The following ANKRD30B variants were observed in gnomAD, a reference collection of about 807,000 sequenced individuals.
ANKRD30B encodes the protein ankyrin repeat domain-containing protein 30B.
A neutral mutation model predicts 202.2 loss-of-function variants in ANKRD30B; 144 were observed. That is an observed-to-expected ratio of 0.71 (90% confidence interval 0.62 to 0.82). ANKRD30B has a LOEUF of 0.82. Among genes scored for constraint, ANKRD30B ranks in the 40% least tolerant of loss-of-function variants. ANKRD30B has a pLI of 0.00. For synonymous variants in ANKRD30B, 508 were observed against 561.3 expected (o/e 0.91, Z 1.34); for missense variants, 1,487 against 1,669.1 (o/e 0.89, Z 1.90).
the ANKRD30B span, among the ~76,000 whole-genome samples, chr18:14,937,417 T>G: frequency 8.2e-6 from 1 of 122,662 alleles, no homozygotes; most frequent in African/African-American, 3.0e-5. Flanking sequence ...GAACAGCAGG[T>G]GCCGCCGGTT....
chr18:14,764,475 C>T (rs1201115820), intron 7 of ANKRD30B, among the ~76,000 whole-genome samples: 1 of 152,090 alleles, frequency 6.6e-6, no homozygotes, highest in East Asian at 1.9e-4. Context: ...CTCACTGCAA[C>T]CTGCGTCTCC....
At chr18:14,799,195 T>C in intron 21 of ANKRD30B, 28 bp from the exon 22 acceptor site, 4 of 1,586,590 alleles carry the variant, frequency 2.5e-6, no homozygotes, top group South Asian at 1.1e-5. Flanking sequence ...CATTATATGT[T>C]AATTTTTGTG....
the ANKRD30B span, among the ~76,000 whole-genome samples, chr18:14,903,387 A>G: frequency 6.6e-6 from 1 of 152,200 alleles, no homozygotes. Flanking sequence ...GTAGGTAATT[A>G]CAGGATGATA....
chr18:14,806,687 G>C (rs1969544243), intron 24 of ANKRD30B, among the ~76,000 whole-genome samples: 1 of 148,882 alleles, frequency 6.7e-6, no homozygotes, highest in East Asian at 1.9e-4. Flanking sequence ...AGCTCTGAAT[G>C]TTTCATCTCT....
At chr18:14,789,794 C>G (rs1375817458) in intron 15 of ANKRD30B, among the ~76,000 whole-genome samples, 1 of 152,150 alleles carries the variant, frequency 6.6e-6, no homozygotes, top group African/African-American at 2.4e-5. Context: ...GTCACTGAAG[C>G]CTTGTAGTAT....
intron 4 of ANKRD30B, 31 bp from the exon 5 acceptor site, chr18:14,757,784 C>G: frequency 6.2e-7 from 1 of 1,602,598 alleles, no homozygotes; most frequent in South Asian, 1.1e-5. Context: ...ATTGATTCTG[C>G]TCATAATAAG....
chr18:14,882,769 T>C, the ANKRD30B span, among the ~76,000 whole-genome samples: 1 of 151,948 alleles, frequency 6.6e-6, no homozygotes, highest in Admixed American at 6.6e-5. Context: ...AGTAATTGTT[T>C]TATAAATTTG....
Position 14,831,402 on chromosome 18 carries a change from A to G in ANKRD30B, c.2794A>G (p.Thr932Ala). 6.5e-7 allele frequency: 1 copy of G among 1,530,030 alleles called. No homozygotes were observed. Among genetic ancestry groups the G allele is most frequent in the Non-Finnish European group, 8.8e-7 (1 of 1,135,202 alleles). 94.8% of individuals were successfully genotyped at this position (1,530,030 alleles called of 1,614,324 possible). A position where few individuals can be genotyped will look rare whatever the true frequency, so the allele number is the denominator to read the frequency against. Residue 932 changes from threonine (T) to alanine (A), a missense_variant, in exon 34 of 44, where the codon ACT becomes GCT. By Grantham distance (58) the Thr-to-Ala change is moderately conservative (BLOSUM62 0). Transcript: ENST00000690538. ...CTCTAGTCTTTTTGGCAAACCGACT[A>G]CTGAAAATTCACAGTCTACAAAAGT... ...STFSLFGKPT[T>A]ENSQSTKVEE...
At chr18:14,809,418 G>C (rs34470722) in intron 26 of ANKRD30B, among the ~76,000 whole-genome samples, 1 of 150,828 alleles carries the variant, frequency 6.6e-6, no homozygotes, top group East Asian at 1.9e-4. Flanking sequence ...TGTGAAGCTA[G>C]ACAACTGGTT....
chr18:14,915,480 T>A, the ANKRD30B span: 35 of 152,236 alleles, frequency 2.3e-4, no homozygotes, highest in African/African-American at 7.5e-4. Flanking sequence ...TCTTTTAACA[T>A]GAGCCTTATG....
chr18:14,918,755 A>C, the ANKRD30B span, among the ~76,000 whole-genome samples: 11 of 152,298 alleles, frequency 7.2e-5, no homozygotes, highest in African/African-American at 2.6e-4. Flanking sequence ...CCTATTATTT[A>C]TTTCCTAAGG....
the ANKRD30B span, among the ~76,000 whole-genome samples, chr18:14,914,796 TGTC>T: frequency 6.6e-6 from 1 of 152,136 alleles, no homozygotes; most frequent in Non-Finnish European, 1.5e-5. Context: ...ATTGGGGGGT[TGTC>T]GTGTTTTAGG....
chr18:14,852,445 T>G, intron 42 of ANKRD30B, 25 bp downstream of exon 42: 3 of 1,504,920 alleles, frequency 2.0e-6, no homozygotes, highest in Non-Finnish European at 2.6e-6. Context: ...ATATAAATAC[T>G]TTTCAAACTT....
the ANKRD30B span, among the ~76,000 whole-genome samples, chr18:14,893,670 A>C: frequency 3.1e-4 from 47 of 152,192 alleles, no homozygotes; most frequent in Non-Finnish European, 2.9e-5. Context: ...GAAGCCACGA[A>C]GTTGCTCAGA....
At chr18:14,930,684 C>T in the ANKRD30B span, among the ~76,000 whole-genome samples, 2 of 152,122 alleles carry the variant, frequency 1.3e-5, no homozygotes, top group Non-Finnish European at 2.9e-5. Context: ...CCCCAACCCA[C>T]ACAACTGAAA....
chr18:14,899,709 A>G, the ANKRD30B span, among the ~76,000 whole-genome samples: 1 of 152,180 alleles, frequency 6.6e-6, no homozygotes, highest in African/African-American at 2.4e-5. Context: ...TAGTGACCTG[A>G]AGAAAATTAT....
chr18:14,928,399 G>A, the ANKRD30B span, among the ~76,000 whole-genome samples: 3 of 152,184 alleles, frequency 2.0e-5, no homozygotes, highest in Non-Finnish European at 2.9e-5. Flanking sequence ...CTGGTAGGCC[G>A]AATGACGAAG....
At chr18:14,784,604 C>T in intron 14 of ANKRD30B, 69 bp downstream of exon 14, 3 of 1,474,952 alleles carry the variant, frequency 2.0e-6, no homozygotes, top group East Asian at 4.6e-5. Flanking sequence ...GTCTTTCTAT[C>T]CCCAATGATT....
chr18:14,875,823 T>C, the ANKRD30B span, among the ~76,000 whole-genome samples: 6 of 152,100 alleles, frequency 3.9e-5, no homozygotes, highest in African/African-American at 1.4e-4. Flanking sequence ...TATATAGCGG[T>C]GGTACCATAG....
Sources: allele counts gnomAD v4.1 joint callset (sites outside exome capture counted in the v4.1 genomes callset), GRCh38; gene constraint gnomAD v4.1.1; transcripts MANE v1.5; gene names NCBI Gene and HGNC (gene_info 2026-07-23, HGNC 2026-07-21).